The following SCAI variants were observed in gnomAD, a reference collection of about 807,000 sequenced individuals.
SCAI encodes the protein protein SCAI.
In SCAI, 24 loss-of-function variants were observed where a neutral mutation model predicts 92.2. The observed-to-expected ratio is 0.26, with a 90% CI of 0.19 to 0.37. The LOEUF is 0.37. SCAI is among the 10% of genes least tolerant of loss of function. The pLI is 1.00. For synonymous variants in SCAI, 261 were observed against 258.6 expected, an observed-to-expected ratio of 1.01 and a Z score of -0.09; for missense variants, 450 against 736.2, an observed-to-expected ratio of 0.61 and a Z score of 4.50.
At chr9:125,095,105 C>T (rs1198591630) in intron 2 of SCAI, among the ~76,000 whole-genome samples, 2 of 152,168 alleles carry the variant, frequency 1.3e-5, no homozygotes, top group African/African-American at 2.4e-5. Flanking sequence ...TGCAGAGCTA[C>T]CTTGCCCAAG....
intron 3 of SCAI, among the ~76,000 whole-genome samples, chr9:125,032,195 A>ATATATATATATTTT (rs1177865840): frequency 7.0e-5 from 7 of 99,448 alleles, no homozygotes; most frequent in South Asian, 3.3e-4. Flanking sequence ...ATATATATAT[A>ATATATATATATTTT]TTTTTTTTTT....
At chr9:125,137,769 T>G (rs938283179) in intron 2 of SCAI, among the ~76,000 whole-genome samples, 15 of 151,910 alleles carry the variant, frequency 9.9e-5, no homozygotes, top group African/African-American at 3.4e-4. Context: ...CCCGGCTAAT[T>G]TTTTGTATTT....
In SCAI at chr9:125,064,528, G is replaced by A. The variant is rs117870885; in HGVS notation, c.99-8521C>T. 5.3e-3 allele frequency among the ~76,000 whole-genome samples: 813 copies of A among 152,220 alleles called. 20 individuals are homozygous for A. In the East Asian group the frequency reaches 0.08, roughly 15 times the overall value. On this transcript the variant is annotated intron_variant, in intron 2 of 17. Coordinates refer to ENST00000336505, the MANE Select transcript of SCAI (RefSeq NM_001144877.3). Reference sequence around the variant, plus strand: ...TTCTGACCACACTGCAAGTAAGTGAGAAATCAATAGCCAAAATATTACTAA... The same window carrying A: ...TTCTGACCACACTGCAAGTAAGTGAAAAATCAATAGCCAAAATATTACTAA...
chr9:124,956,486 T>G (rs2131573119), intron 17 of SCAI, among the ~76,000 whole-genome samples: 1 of 152,334 alleles, frequency 6.6e-6, no homozygotes, highest in African/African-American at 2.4e-5. Flanking sequence ...CCCAAAGTGC[T>G]GGGATTACAG....
At chr9:125,028,263 G>A (rs1398880538) in intron 5 of SCAI, 129 bp downstream of exon 5, 15 of 574,938 alleles carry the variant, frequency 2.6e-5, no homozygotes, top group East Asian at 2.5e-4. Context: ...AATCTGGTCC[G>A]AACTACTAGA....
chr9:125,074,474 TCTCGAACTCCTGAC>T (rs1683823957), intron 2 of SCAI, among the ~76,000 whole-genome samples: 1 of 149,030 alleles, frequency 6.7e-6, no homozygotes, highest in Non-Finnish European at 1.5e-5. Flanking sequence ...GCCAAGCTGG[TCTCGAACTCCTGAC>T]CTCAAGTGAT....
Position 124,943,089 on chromosome 9 carries a change from G to C in SCAI, c.*9718C>G, listed in dbSNP as rs1478875332. Reference sequence around the variant, plus strand: ...AACCATAACAGACAAAGAAGAAAAAGGCTGCTGGAAAGGAAGAAAAAAACA... The same window carrying C: ...AACCATAACAGACAAAGAAGAAAAACGCTGCTGGAAAGGAAGAAAAAAACA... On this transcript the variant is annotated 3_prime_UTR_variant, in exon 18 of 18. Coordinates refer to ENST00000336505, the MANE Select transcript of SCAI (RefSeq NM_001144877.3). 1.3e-5 allele frequency: 2 copies of C among 152,252 alleles called. No individual in the cohort carries two copies. The highest frequency in any genetic ancestry group is 3.9e-4 in the East Asian group (2 of 5,190). 9.4% of individuals were successfully genotyped at this position (152,252 alleles called of 1,614,324 possible). A position where few individuals can be genotyped will look rare whatever the true frequency, so the allele number is the denominator to read the frequency against.
intron 2 of SCAI, among the ~76,000 whole-genome samples, chr9:125,140,849 A>G (rs1835649986): frequency 6.6e-6 from 1 of 151,376 alleles, no homozygotes; most frequent in Non-Finnish European, 1.5e-5. Flanking sequence ...ACAGAGCCAG[A>G]CCCTGTCTCA....
At chr9:125,047,274 G>A (rs1833463617) in intron 3 of SCAI, among the ~76,000 whole-genome samples, 2 of 152,188 alleles carry the variant, frequency 1.3e-5, no homozygotes, top group Non-Finnish European at 2.9e-5. Flanking sequence ...TGCATGCAAA[G>A]ATGACCATGT....
At chr9:125,140,690 CAA>C (rs35807255) in intron 2 of SCAI, among the ~76,000 whole-genome samples, 5 of 76,476 alleles carry the variant, frequency 6.5e-5, no homozygotes, top group Non-Finnish European at 2.5e-5. Flanking sequence ...CTTGTCTCTA[CAA>C]AAAAAAAAAA....
At chr9:124,992,441 T>C (rs1832147667) in intron 14 of SCAI, among the ~76,000 whole-genome samples, 1 of 151,604 alleles carries the variant, frequency 6.6e-6, no homozygotes, top group Admixed American at 6.6e-5. Context: ...TGGAGTGCAA[T>C]GGCACGATCT....
chr9:125,116,399 A>T (rs1835047240), intron 2 of SCAI, among the ~76,000 whole-genome samples: 2 of 152,288 alleles, frequency 1.3e-5, no homozygotes, highest in African/African-American at 4.8e-5. Context: ...AGAAAGCAAA[A>T]TCTAGAATGA....
intron 2 of SCAI, among the ~76,000 whole-genome samples, chr9:125,074,882 T>A (rs1834056332): frequency 6.6e-6 from 1 of 151,760 alleles, no homozygotes; most frequent in Admixed American, 6.6e-5. Context: ...TGCATGCCTG[T>A]AATCCCAGCC....
At chr9:125,043,363 G>A (rs886545008) in intron 3 of SCAI, among the ~76,000 whole-genome samples, 5 of 152,182 alleles carry the variant, frequency 3.3e-5, no homozygotes, top group Non-Finnish European at 5.9e-5. Context: ...ATGTGTATAC[G>A]AGACCAAACT....
At chr9:125,074,413 T>C (rs12377685) in intron 2 of SCAI, among the ~76,000 whole-genome samples, 6 of 150,902 alleles carry the variant, frequency 4.0e-5, no homozygotes, top group South Asian at 4.2e-4. Context: ...TGCACCACCA[T>C]GCCTGGCTAA....
rs952079729 is a variant in SCAI at position 125,091,572 on chromosome 9, T to C, written c.99-35565A>G. 6.6e-6 allele frequency among the ~76,000 whole-genome samples: 1 copy of C among 152,220 alleles called. No homozygotes were observed. The highest frequency in any genetic ancestry group is 1.5e-5 in the Non-Finnish European group (1 of 68,038). On this transcript the variant is annotated intron_variant, in intron 2 of 17. Transcript: ENST00000336505. The surrounding 1 kb of genome is among the most constrained non-coding windows in gnomAD (Gnocchi z 4.3). ...ATTTATCACTCAGTTAAATCCAACA[T>C]TCTACCTACTCCATGCTTGCACCTG...
At chr9:125,004,011 AC>A (rs1832419626) in intron 9 of SCAI, among the ~76,000 whole-genome samples, 1 of 152,032 alleles carries the variant, frequency 6.6e-6, no homozygotes, top group South Asian at 2.1e-4. Flanking sequence ...CCCCATCTCT[AC>A]TAAAAATACA....
At chr9:125,064,063 A>G (rs1376562247) in intron 2 of SCAI, among the ~76,000 whole-genome samples, 3 of 152,028 alleles carry the variant, frequency 2.0e-5, no homozygotes, top group African/African-American at 7.2e-5. Flanking sequence ...AATTCAATAT[A>G]TTTCTAAAAA....
chr9:124,972,988 C>T (rs1831689163), intron 15 of SCAI, among the ~76,000 whole-genome samples: 1 of 152,182 alleles, frequency 6.6e-6, no homozygotes, highest in Non-Finnish European at 1.5e-5. Flanking sequence ...TATCCCTTAT[C>T]CAAAATGCTT....
Sources: allele counts gnomAD v4.1 joint callset (sites outside exome capture counted in the v4.1 genomes callset), GRCh38; gene constraint gnomAD v4.1.1; non-coding constraint Gnocchi (gnomAD v3.1); transcripts MANE v1.5; gene names NCBI Gene and HGNC (gene_info 2026-07-23, HGNC 2026-07-21).